SASH1: variants seen among roughly 807,000 people sequenced by gnomAD.
SASH1 encodes the protein SAM and SH3 domain-containing protein 1.
In SASH1, 44 loss-of-function variants were observed where a neutral mutation model predicts 125.2. That is an observed-to-expected ratio of 0.35 (90% CI 0.28 to 0.45). SASH1 has a LOEUF of 0.45. SASH1 is among the 20% of genes least tolerant of loss of function. The pLI is 1.00. For synonymous variants in SASH1, 639 were observed against 649.1 expected, an observed-to-expected ratio of 0.98 and a Z score of 0.24; for missense variants, 1,426 against 1,614.5, an observed-to-expected ratio of 0.88 and a Z score of 2.00.
intron 2 of SASH1, among the ~76,000 whole-genome samples, chr6:148,408,415 A>G (rs570899982): frequency 2.0e-5 from 3 of 152,100 alleles, no homozygotes; most frequent in South Asian, 4.2e-4. Flanking sequence ...GCATCTTTTC[A>G]TATACTTATT....
the SASH1 span, among the ~76,000 whole-genome samples, chr6:148,239,462 A>G: frequency 6.6e-6 from 1 of 152,166 alleles, no homozygotes; most frequent in Non-Finnish European, 1.5e-5. Flanking sequence ...AACCTCTGTG[A>G]AAGGGAAGCT....
At position 148,453,254 on chromosome 6, in the gene SASH1, C is replaced by T. The variant is rs776710411; in HGVS notation, c.386+12847C>T. Reference sequence around the variant, plus strand: ...CTGCTGCCAGGAATTGTTTAATGTACGGAGGTGGCTGCTGTTTATTCTCTC... The same window carrying T: ...CTGCTGCCAGGAATTGTTTAATGTATGGAGGTGGCTGCTGTTTATTCTCTC... On this transcript the variant is annotated intron_variant, in intron 4 of 19. Transcript: ENST00000367467. Among the ~76,000 whole-genome samples, 8 of 152,104 alleles carry T rather than the reference C, an allele frequency of 5.3e-5. No individual in the cohort carries two copies. The South Asian group carries it at 6.2e-4, about 12-fold the overall frequency.
At chr6:148,298,657 G>A (rs2128511786) in intron 1 of SASH1, among the ~76,000 whole-genome samples, 2 of 97,904 alleles carry the variant, frequency 2.0e-5, no homozygotes, top group Admixed American at 1.0e-4. Flanking sequence ...AAGGGAGGGA[G>A]GGAGGGAGGG....
chr6:148,500,153 C>T (rs968861470), intron 8 of SASH1, among the ~76,000 whole-genome samples: 13 of 151,480 alleles, frequency 8.6e-5, no homozygotes, highest in African/African-American at 2.9e-4. Flanking sequence ...GCTCTGATCA[C>T]GTTCTCCATT....
At chr6:148,258,109 G>T in the SASH1 span, among the ~76,000 whole-genome samples, 1 of 151,774 alleles carries the variant, frequency 6.6e-6, no homozygotes, top group East Asian at 1.9e-4. Flanking sequence ...TAAGAGATGG[G>T]GATCTCACTA....
At chr6:148,490,067 A>G (rs1431630937) in intron 8 of SASH1, among the ~76,000 whole-genome samples, 1 of 53,656 alleles carries the variant, frequency 1.9e-5, no homozygotes, top group East Asian at 1.3e-3. Context: ...TGCAAAAAAT[A>G]ATAATAATAA....
chr6:148,196,614 G>A, the SASH1 span, among the ~76,000 whole-genome samples: 21 of 152,108 alleles, frequency 1.4e-4, no homozygotes, highest in African/African-American at 4.1e-4. Flanking sequence ...AGTGCTCATC[G>A]AGCCCAGCCT....
At chr6:148,213,604 A>G in the SASH1 span, among the ~76,000 whole-genome samples, 1 of 143,840 alleles carries the variant, frequency 7.0e-6, no homozygotes, top group African/African-American at 2.4e-5. Context: ...AAAATTACCC[A>G]TACAGGTATT....
chr6:148,331,974 CT>C (rs1481117007), intron 1 of SASH1, among the ~76,000 whole-genome samples: 1 of 152,142 alleles, frequency 6.6e-6, no homozygotes, highest in Non-Finnish European at 1.5e-5. Context: ...GTGTTCCCCC[CT>C]GCCCTACCCA....
intron 2 of SASH1, among the ~76,000 whole-genome samples, chr6:148,399,119 C>A (rs1017381274): frequency 1.3e-4 from 20 of 151,784 alleles, no homozygotes; most frequent in African/African-American, 4.8e-4. Context: ...TGTTTGTGCA[C>A]TTGCGGAAAC....
the SASH1 span, chr6:148,237,476 C>G: frequency 6.6e-6 from 1 of 152,132 alleles, no homozygotes; most frequent in Admixed American, 6.6e-5. Flanking sequence ...CAACTATGCC[C>G]AGGGTTTATG....
chr6:148,505,069 A>G (rs1779726408), intron 8 of SASH1, among the ~76,000 whole-genome samples: 1 of 152,170 alleles, frequency 6.6e-6, no homozygotes, highest in Non-Finnish European at 1.5e-5. Context: ...CTTACCTGCC[A>G]AGCTCTAGAC....
intron 1 of SASH1, among the ~76,000 whole-genome samples, chr6:148,346,383 A>C (rs968508058): frequency 6.6e-6 from 1 of 152,206 alleles, no homozygotes; most frequent in African/African-American, 2.4e-5. Flanking sequence ...GAAAAGAAAT[A>C]ATAGTATAAT....
At chr6:148,379,601 A>C (rs1295933188) in intron 1 of SASH1, among the ~76,000 whole-genome samples, 5 of 152,126 alleles carry the variant, frequency 3.3e-5, no homozygotes, top group Admixed American at 1.3e-4. Context: ...CCATCCATCC[A>C]TCAATCCATC....
rs1781683957 is a variant in SASH1, at chr6:148,533,929, A to G, written c.1893A>G (p.Arg631=). 1.2e-6 allele frequency: 2 copies of G among 1,613,862 alleles called. No homozygotes were observed. Among genetic ancestry groups the G allele is most frequent in the Non-Finnish European group, 1.7e-6 (2 of 1,179,926 alleles). ...CCACCAGGAGGCGTCGGAAAGGACG[A>G]CCACCCCAGCCCAAGTCTGTGGAGG... ...KRPTRRRRKG[R]PPQPKSVEDL... is the part of the protein sequence containing the mutation. The change falls in exon 15 of 20, where the codon CGA becomes CGG. Residue 631 remains arginine, a synonymous_variant. Transcript: ENST00000367467. The surrounding 1 kb of genome is among the most constrained non-coding windows in gnomAD (Gnocchi z 6.2).
chr6:148,436,193 G>A (rs1776283640), intron 2 of SASH1, among the ~76,000 whole-genome samples: 2 of 152,158 alleles, frequency 1.3e-5, no homozygotes, highest in South Asian at 4.2e-4. Flanking sequence ...TGTGACTCTG[G>A]CAGATATCTT....
intron 6 of SASH1, among the ~76,000 whole-genome samples, chr6:148,472,459 A>G (rs1290723590): frequency 3.8e-4 from 55 of 143,996 alleles, no homozygotes; most frequent in Non-Finnish European, 6.8e-4. Context: ...AAAAAAAAAA[A>G]CAGTCTAAAG....
the SASH1 span, among the ~76,000 whole-genome samples, chr6:148,198,006 C>T: frequency 2.0e-5 from 3 of 152,182 alleles, no homozygotes; most frequent in Non-Finnish European, 4.4e-5. Flanking sequence ...CCCAACACCA[C>T]GCCTGGCTCA....
intron 1 of SASH1, among the ~76,000 whole-genome samples, chr6:148,306,572 G>T (rs75172085): frequency 6.6e-6 from 1 of 152,056 alleles, no homozygotes; most frequent in Non-Finnish European, 1.5e-5. Flanking sequence ...CTTCAATCTT[G>T]CTGTGGTAGG....
Sources: allele counts gnomAD v4.1 joint callset (sites outside exome capture counted in the v4.1 genomes callset), GRCh38; gene constraint gnomAD v4.1.1; non-coding constraint Gnocchi (gnomAD v3.1); transcripts MANE v1.5; gene names NCBI Gene and HGNC (gene_info 2026-07-23, HGNC 2026-07-21).